The following PIWIL3 variants were observed in gnomAD, a reference collection of about 807,000 sequenced individuals.
The protein encoded by PIWIL3 is piwi like RNA-mediated gene silencing 3.
In PIWIL3, 101 loss-of-function variants were observed where a neutral mutation model predicts 109.7. The ratio of observed to expected loss-of-function variants is 0.92; its 90% CI spans 0.78 to 1.09. The LOEUF is 1.09. Ranked by LOEUF, PIWIL3 falls within the 50% of genes least tolerant of loss-of-function variation. The pLI, the probability that PIWIL3 is intolerant of heterozygous loss-of-function variation, is 0.00. For missense variants in PIWIL3, 1,031 were observed against 1,072.6 expected (o/e 0.96, Z 0.54); for synonymous variants, 373 against 376.4 (o/e 0.99, Z 0.10).
At chr22:24,765,561 A>G (rs1208222558) in intron 1 of PIWIL3, among the ~76,000 whole-genome samples, 1 of 152,058 alleles carries the variant, frequency 6.6e-6, no homozygotes, top group Non-Finnish European at 1.5e-5. Flanking sequence ...GATCTTACAG[A>G]TCGTGTAGAT....
intron 9 of PIWIL3, 35 bp downstream of exon 9, chr22:24,751,352 A>C: frequency 6.5e-7 from 1 of 1,544,760 alleles, no homozygotes; most frequent in Non-Finnish European, 8.8e-7. Flanking sequence ...GAAGGTTTAC[A>C]ATTTAAATAT....
At chr22:24,766,426 C>T (rs376673834) in intron 1 of PIWIL3, among the ~76,000 whole-genome samples, 99 of 152,160 alleles carry the variant, frequency 6.5e-4, no homozygotes, top group African/African-American at 2.2e-3. Flanking sequence ...TCACGCCATT[C>T]TCCTGCCTCA....
At position 24,733,153 on chromosome 22, in the gene PIWIL3, A is replaced by T. The variant is rs76068314; in HGVS notation, c.1707+931T>A. ...ACAAGGGTTCCCTAGGGGCAATTAA[A>T]AGAAGAAAGTCTAGGCTTCATGTAA... On this transcript the variant is annotated intron_variant, in intron 14 of 20. Coordinates refer to ENST00000616349, the MANE Select transcript of PIWIL3 (RefSeq NM_001255975.1). Among the ~76,000 whole-genome samples, 246 of 152,334 alleles carry T rather than the reference A, an allele frequency of 1.6e-3. 1 individual carries two copies. Among genetic ancestry groups the T allele is most frequent in the African/African-American group, 5.6e-3 (232 of 41,578 alleles).
At chr22:24,766,549 C>T (rs1008552568) in intron 1 of PIWIL3, among the ~76,000 whole-genome samples, 12 of 151,782 alleles carry the variant, frequency 7.9e-5, no homozygotes, top group Non-Finnish European at 5.9e-5. Context: ...GTCTTGATCT[C>T]CTGACCTTGT....
chr22:24,768,230 TTTG>T (rs754676628), intron 1 of PIWIL3, among the ~76,000 whole-genome samples: 14 of 152,054 alleles, frequency 9.2e-5, no homozygotes, highest in Middle Eastern at 6.8e-3. Context: ...GTTGTTGTTT[TTTG>T]TTGTTGTTGT....
At chr22:24,757,098 A>AAAAAAAAAAAG (rs1555912998) in intron 4 of PIWIL3, among the ~76,000 whole-genome samples, 3 of 146,442 alleles carry the variant, frequency 2.0e-5, no homozygotes, top group African/African-American at 7.8e-5. Flanking sequence ...AAAAAAAAAA[A>AAAAAAAAAAAG]AAAAGAAAAG....
Position 24,728,068 on chromosome 22 carries a change from T to C in PIWIL3, c.1906-15A>G, listed in dbSNP as rs763015402. ...GTTCTTTGTACCTTAAGTTTGTTTT[T>C]GAAAAGGTAATGGAGTTAGAACGTG... On this transcript the variant is annotated splice_polypyrimidine_tract_variant and intron_variant, in intron 15 of 20. Transcript: ENST00000616349. The C allele has an allele frequency of 1.2e-6, 2 of 1,612,648 alleles. No homozygotes were observed. The highest frequency in any genetic ancestry group is 2.7e-5 in the African/African-American group (2 of 74,898).
chr22:24,755,492 A>G (rs767314363), intron 6 of PIWIL3, among the ~76,000 whole-genome samples: 1 of 152,228 alleles, frequency 6.6e-6, no homozygotes, highest in Non-Finnish European at 1.5e-5. Context: ...TAAAAAATGC[A>G]TTTGCTACAG....
chr22:24,752,101 TG>T (rs1924746691), intron 8 of PIWIL3, among the ~76,000 whole-genome samples: 1 of 152,146 alleles, frequency 6.6e-6, no homozygotes, highest in Non-Finnish European at 1.5e-5. Context: ...GTAAAATTTC[TG>T]GTTCATATGG....
At chr22:24,732,807 ACT>A (rs1160946059) in intron 14 of PIWIL3, among the ~76,000 whole-genome samples, 1 of 151,964 alleles carries the variant, frequency 6.6e-6, no homozygotes, top group Non-Finnish European at 1.5e-5. Context: ...GACGAGTGAG[ACT>A]CTGTCTCAAA....
rs368309171 is a variant in PIWIL3, at chr22:24,756,543, C to T, written c.518G>A (p.Arg173His). The T allele has an allele frequency of 3.6e-5, 58 of 1,613,980 alleles. No homozygotes were observed. Among genetic ancestry groups the T allele is most frequent in the African/African-American group, 3.2e-4 (24 of 74,902 alleles). Reference sequence around the variant, plus strand: ...TAAAGAGTTTCCATCAAATATATGGCGCTCTCCAAATTTCCTTCTATGTTG... The same window carrying T: ...TAAAGAGTTTCCATCAAATATATGGTGCTCTCCAAATTTCCTTCTATGTTG... ...LDQHRRKFGERHIFDGNSLLL... is the reference protein window; with the variant it reads ...LDQHRRKFGEHHIFDGNSLLL... The change falls in exon 5 of 21, where the codon CGC becomes CAC. Residue 173 changes from arginine to histidine, a missense_variant. Arg to His is a conservative substitution (Grantham distance 29). Transcript: ENST00000616349.
chr22:24,739,295 A>G (rs1923839161), intron 12 of PIWIL3, among the ~76,000 whole-genome samples: 2 of 152,200 alleles, frequency 1.3e-5, no homozygotes, highest in Admixed American at 1.3e-4. Flanking sequence ...AGTTCACTCA[A>G]AGAGATAGCA....
At chr22:24,724,394 T>A (rs1922862616) in intron 18 of PIWIL3, among the ~76,000 whole-genome samples, 1 of 151,938 alleles carries the variant, frequency 6.6e-6, no homozygotes, top group Non-Finnish European at 1.5e-5. Flanking sequence ...TCTGAGTAGC[T>A]GGGACTATAG....
intron 6 of PIWIL3, among the ~76,000 whole-genome samples, chr22:24,755,312 G>A (rs1924957521): frequency 6.6e-6 from 1 of 152,078 alleles, no homozygotes; most frequent in East Asian, 1.9e-4. Flanking sequence ...TAGTAGAGGA[G>A]GGGTTTCACC....
chr22:24,735,951 G>T, intron 12 of PIWIL3, 59 bp from the exon 13 acceptor site: 3 of 1,358,106 alleles, frequency 2.2e-6, no homozygotes, highest in Non-Finnish European at 3.0e-6. Context: ...ACTTATCTGA[G>T]ATCCTGTACG....
chr22:24,762,534 G>A lies in PIWIL3; in HGVS notation c.-22-13C>T, dbSNP rs1427941466. ...GAAGGTGATGACCCTGAAGAATACA[G>A]TTATATTAGACATCTCTGTGGAGTT... On this transcript the variant is annotated splice_polypyrimidine_tract_variant and intron_variant, in intron 1 of 20. Coordinates refer to ENST00000616349, the MANE Select transcript of PIWIL3 (RefSeq NM_001255975.1). 5.7e-6 allele frequency: 9 copies of A among 1,588,238 alleles called. No individual in the cohort carries two copies. Among genetic ancestry groups the A allele is most frequent in the Non-Finnish European group, 7.7e-6 (9 of 1,168,850 alleles).
At chr22:24,759,176 C>T (rs6004262) in intron 3 of PIWIL3, among the ~76,000 whole-genome samples, 67,462 of 151,780 alleles carry the variant, frequency 0.44, 15,106 homozygotes, top group Admixed American at 0.51. Context: ...TGAGCCACTG[C>T]ACCCAGTCCA....
intron 12 of PIWIL3, among the ~76,000 whole-genome samples, chr22:24,744,850 G>A (rs1924259984): frequency 6.6e-6 from 1 of 152,162 alleles, no homozygotes; most frequent in African/African-American, 2.4e-5. Context: ...GACAAAAAAG[G>A]GAAATGTTGG....
rs1166298804 is a variant in PIWIL3 at position 24,752,017 on chromosome 22, T to C, written c.978-519A>G. On this transcript the variant is annotated intron_variant, in intron 8 of 20. Transcript: ENST00000616349. ...TGGTTGTATATACTTTTGGTTACCA[T>C]GAATAAGGTTATGAACATTTATGTG... Among the ~76,000 whole-genome samples, 3 of 152,238 alleles carry C rather than the reference T, an allele frequency of 2.0e-5. No individual in the cohort carries two copies. In the South Asian group the frequency reaches 6.2e-4, roughly 31 times the overall value.
Sources: allele counts gnomAD v4.1 joint callset (sites outside exome capture counted in the v4.1 genomes callset), GRCh38; gene constraint gnomAD v4.1.1; transcripts MANE v1.5; gene names NCBI Gene and HGNC (gene_info 2026-07-23, HGNC 2026-07-21).